SLC1A2: variants seen among roughly 807,000 people sequenced by gnomAD.
SLC1A2 encodes the protein solute carrier family 1 member 2.
Under a neutral mutation model 48.8 loss-of-function variants are expected in SLC1A2, and 15 were observed. The ratio of observed to expected loss-of-function variants is 0.31; its 90% confidence interval spans 0.21 to 0.47. SLC1A2 has a LOEUF of 0.47. Among genes scored for constraint, SLC1A2 ranks in the 20% least tolerant of loss-of-function variants. SLC1A2 has a pLI of 0.99. For missense variants in SLC1A2, 502 were observed against 730.5 expected, an observed-to-expected ratio of 0.69 and a Z score of 3.61; for synonymous variants, 279 against 272.6, an observed-to-expected ratio of 1.02 and a Z score of -0.23.
intron 1 of SLC1A2, among the ~76,000 whole-genome samples, chr11:35,326,485 G>A (rs1278412854): frequency 7.2e-5 from 11 of 152,180 alleles, no homozygotes; most frequent in Admixed American, 4.6e-4. Context: ...TAGCTGCAGC[G>A]CCTTCAGGCA....
At chr11:35,350,346 C>G (rs1375751929) in intron 1 of SLC1A2, among the ~76,000 whole-genome samples, 1 of 152,128 alleles carries the variant, frequency 6.6e-6, no homozygotes, top group Non-Finnish European at 1.5e-5. Flanking sequence ...AAGATGGTGT[C>G]AAAATTTATT....
intron 9 of SLC1A2, among the ~76,000 whole-genome samples, chr11:35,275,368 A>T (rs145266523): frequency 4.6e-5 from 7 of 152,300 alleles, no homozygotes; most frequent in South Asian, 2.1e-4. Context: ...AGACACAGTT[A>T]TTTATTACCT....
chr11:35,332,509 C>T (rs944189214), intron 1 of SLC1A2, among the ~76,000 whole-genome samples: 4 of 152,180 alleles, frequency 2.6e-5, no homozygotes, highest in African/African-American at 9.7e-5. Context: ...ATGTACAATG[C>T]CAGGCACCTA....
At chr11:35,281,762 A>G (rs1036266679) in intron 8 of SLC1A2, 1 of 151,934 alleles carries the variant, frequency 6.6e-6, no homozygotes, top group African/African-American at 2.4e-5. Context: ...TCCTGACACC[A>G]GGGAGTCTCT....
intron 1 of SLC1A2, among the ~76,000 whole-genome samples, chr11:35,384,737 T>C (rs1854532601): frequency 1.3e-5 from 2 of 152,246 alleles, no homozygotes; most frequent in African/African-American, 4.8e-5. Context: ...GTTTGGCCAC[T>C]TATATGCTTG....
chr11:35,369,285 G>A (rs146709129), intron 1 of SLC1A2, among the ~76,000 whole-genome samples: 1 of 152,320 alleles, frequency 6.6e-6, no homozygotes, highest in East Asian at 1.9e-4. Context: ...GTAACTCGAG[G>A]TGAGGGAAGG....
chr11:35,365,123 A>G (rs1034101601), intron 1 of SLC1A2, among the ~76,000 whole-genome samples: 1 of 152,244 alleles, frequency 6.6e-6, no homozygotes, highest in South Asian at 2.1e-4. Flanking sequence ...TGCACAACAC[A>G]TGGGACAAAC....
At position 35,255,316 on chromosome 11, in the gene SLC1A2, C is replaced by T. The variant is rs1484937938; in HGVS notation, c.*5578G>A. The T allele has an allele frequency of 6.5e-6, 1 of 153,262 alleles. No homozygotes were observed. The highest frequency in any genetic ancestry group is 1.5e-5 in the Non-Finnish European group (1 of 68,768). 9.5% of individuals were successfully genotyped at this position (153,262 alleles called of 1,614,324 possible). ...TAGACCATGCATTGTATCCCATCCA[C>T]CCTACAAACTAATCAGGCCTTGAAG... On this transcript the variant is annotated 3_prime_UTR_variant, in exon 11 of 11. Transcript: ENST00000278379.
At chr11:35,417,275 A>G (rs181696569) in intron 1 of SLC1A2, among the ~76,000 whole-genome samples, 1 of 152,246 alleles carries the variant, frequency 6.6e-6, no homozygotes, top group Non-Finnish European at 1.5e-5. Context: ...GACAGCTTTC[A>G]TTTAGGACAA....
chr11:35,259,085 A>G lies in SLC1A2; in HGVS notation c.*1809T>C, dbSNP rs1950355485. 1 of 152,654 alleles carries G rather than the reference A, an allele frequency of 6.6e-6. No homozygotes were observed. Among genetic ancestry groups the G allele is most frequent in the Non-Finnish European group, 1.5e-5 (1 of 68,058 alleles). 9.5% of individuals were successfully genotyped at this position (152,654 alleles called of 1,614,324 possible). ...AAGCAAAAATGAAAAGTTGCCTAAT[A>G]CTGTTCAGTAGTGATCCTTATCCAA... On this transcript the variant is annotated 3_prime_UTR_variant, in exon 11 of 11. Transcript: ENST00000278379.
At chr11:35,265,420 T>C (rs556854353) in intron 10 of SLC1A2, 107 bp downstream of exon 10, 123 of 669,634 alleles carry the variant, frequency 1.8e-4, no homozygotes, top group Middle Eastern at 1.3e-3. Flanking sequence ...TTTAGGAAAA[T>C]AAATGTGACA....
chr11:35,280,872 C>A lies in SLC1A2; in HGVS notation c.1416G>T (p.Trp472Cys). 1 of 1,606,026 alleles carries A rather than the reference C, an allele frequency of 6.2e-7. No homozygotes were observed. Among genetic ancestry groups the A allele is most frequent in the Non-Finnish European group, 8.5e-7 (1 of 1,175,864 alleles). The change falls in exon 9 of 11, where the codon TGG becomes TGT. Residue 472 changes from tryptophan to cysteine, a missense_variant. Trp to Cys is a radical substitution (Grantham distance 215). Transcript: ENST00000278379. ...CCCCATCCACAGACACTTACAGCAG[C>A]CAGTCCACAGCCACCAGCAGGCTGA... ...EDISLLVAVD[W>C]LLDRMRTSVN... is the part of the protein sequence containing the mutation.
intron 1 of SLC1A2, among the ~76,000 whole-genome samples, chr11:35,335,780 T>C (rs185551806): frequency 6.1e-4 from 93 of 152,222 alleles, no homozygotes; most frequent in Non-Finnish European, 7.5e-4. Context: ...CTGAGCAACA[T>C]GGTGAAACCC....
chr11:35,305,468 A>G (rs1235033208), intron 5 of SLC1A2, among the ~76,000 whole-genome samples: 1 of 152,202 alleles, frequency 6.6e-6, no homozygotes, highest in Non-Finnish European at 1.5e-5. Context: ...ACTGGATCCA[A>G]ACCCAGGTCT....
chr11:35,336,126 T>C (rs2135010162), intron 1 of SLC1A2, among the ~76,000 whole-genome samples: 1 of 123,382 alleles, frequency 8.1e-6, no homozygotes, highest in East Asian at 2.6e-4. Context: ...TGAGAACACA[T>C]GGACACAGGG....
intron 10 of SLC1A2, 164 bp downstream of exon 10, chr11:35,265,363 C>T: frequency 1.7e-6 from 1 of 580,716 alleles, no homozygotes. Context: ...ATGTTAGACA[C>T]AGAATTAGAT....
At chr11:35,335,906 T>C (rs1268746649) in intron 1 of SLC1A2, among the ~76,000 whole-genome samples, 1 of 152,220 alleles carries the variant, frequency 6.6e-6, no homozygotes, top group Non-Finnish European at 1.5e-5. Flanking sequence ...TGATCCAGTC[T>C]CTTCAGACAT....
chr11:35,376,923 T>C (rs944362880), intron 1 of SLC1A2, among the ~76,000 whole-genome samples: 1 of 152,182 alleles, frequency 6.6e-6, no homozygotes, highest in African/African-American at 2.4e-5. Context: ...CCTGGATCAC[T>C]TGGAGGTTGA....
intron 9 of SLC1A2, among the ~76,000 whole-genome samples, chr11:35,278,758 C>T (rs975109132): frequency 1.3e-5 from 2 of 152,052 alleles, no homozygotes; most frequent in Admixed American, 1.3e-4. Context: ...GTGGCTCACC[C>T]GTGTAATCTC....
Sources: allele counts gnomAD v4.1 joint callset (sites outside exome capture counted in the v4.1 genomes callset), GRCh38; gene constraint gnomAD v4.1.1; transcripts MANE v1.5; gene names NCBI Gene and HGNC (gene_info 2026-07-23, HGNC 2026-07-21).